ANKDD1A: variants seen among roughly 807,000 people sequenced by gnomAD.
ANKDD1A encodes the protein ankyrin repeat and death domain-containing protein 1A.
Under a neutral mutation model 63.5 loss-of-function variants are expected in ANKDD1A, and 59 were observed. That is an observed-to-expected ratio of 0.93 (90% CI 0.75 to 1.15). The LOEUF (loss-of-function observed/expected upper bound fraction) is 1.15. Ranked by LOEUF, ANKDD1A falls within the 50% of genes most tolerant of loss-of-function variation. The pLI is 0.00. For missense variants in ANKDD1A, 632 were observed against 656.4 expected, an observed-to-expected ratio of 0.96 and a Z score of 0.41; for synonymous variants, 266 against 263.9, an observed-to-expected ratio of 1.01 and a Z score of -0.08.
chr15:64,947,088 C>T (rs571323741), intron 12 of ANKDD1A, among the ~76,000 whole-genome samples: 5 of 152,220 alleles, frequency 3.3e-5, no homozygotes, highest in South Asian at 2.1e-4. Context: ...GGCAGGTGAC[C>T]GGAGGAATCT....
At chr15:64,949,707 G>C in intron 13 of ANKDD1A, 134 bp from the exon 14 acceptor site, 1 of 1,341,918 alleles carries the variant, frequency 7.5e-7, no homozygotes, top group Non-Finnish European at 1.0e-6. Flanking sequence ...ATGGAGAAGG[G>C]CCTTGGAGGC....
Position 64,943,753 on chromosome 15 carries a change from C to T in ANKDD1A, c.1065+171C>T, listed in dbSNP as rs114740083. The T allele has an allele frequency of 3.2e-3, 2,079 of 644,438 alleles. 52 individuals are homozygous for T. In the African/African-American group the frequency reaches 0.035, roughly 11 times the overall value. The allele number at this position is 644,438 out of a possible 1,614,324, so 39.9% of individuals were successfully genotyped here. On this transcript the variant is annotated intron_variant, in intron 11 of 14. Coordinates refer to ENST00000319580, the MANE Select transcript of ANKDD1A (RefSeq NM_182703.6). ...CCAGGAAGCCTTCCTGACCTTCCAC[C>T]ACCTTCCCCTCTCTCTACTAAGGTC...
At chr15:64,946,660 T>C (rs2085225089) in intron 12 of ANKDD1A, among the ~76,000 whole-genome samples, 1 of 152,132 alleles carries the variant, frequency 6.6e-6, no homozygotes, top group Non-Finnish European at 1.5e-5. Context: ...GTTCTTAAAG[T>C]TCCCAGATGG....
At chr15:64,940,080 G>C (rs2085168561) in intron 9 of ANKDD1A, among the ~76,000 whole-genome samples, 2 of 150,784 alleles carry the variant, frequency 1.3e-5, no homozygotes, top group Non-Finnish European at 2.9e-5. Flanking sequence ...GAAAAGATTT[G>C]CAAATCACAT....
intron 5 of ANKDD1A, among the ~76,000 whole-genome samples, chr15:64,926,439 G>A (rs1362876774): frequency 6.6e-6 from 1 of 152,168 alleles, no homozygotes; most frequent in Admixed American, 6.5e-5. Flanking sequence ...CCTGGAGGAG[G>A]TGGCATTTGG....
chr15:64,911,988 G>A, intron 1 of ANKDD1A, 24 bp downstream of exon 1: 1 of 408,366 alleles, frequency 2.4e-6, no homozygotes, highest in Non-Finnish European at 4.1e-6. Context: ...GAGGAGGGAG[G>A]GGGGCGGGCC....
At chr15:64,918,006 A>G (rs1711509614) in intron 3 of ANKDD1A, among the ~76,000 whole-genome samples, 2 of 152,238 alleles carry the variant, frequency 1.3e-5, no homozygotes, top group African/African-American at 4.8e-5. Flanking sequence ...CAGGTTTGGG[A>G]AAAAGGCTGA....
Position 64,953,478 on chromosome 15 carries a change from C to CTTTAGTT in ANKDD1A, c.1483+3506_1483+3507insTTTAGTT, listed in dbSNP as rs2085341479. Among the ~76,000 whole-genome samples, 5 of 94,436 alleles carry CTTTAGTT rather than the reference C, an allele frequency of 5.3e-5. No homozygotes were observed. The Admixed American group carries it at 6.5e-4, about 12-fold the overall frequency. The allele number at this position is 94,436 out of a possible 152,430, so 62.0% of individuals were successfully genotyped here. A position where few individuals can be genotyped will look rare whatever the true frequency, so the allele number is the denominator to read the frequency against. ...TTCTCTCCTTCTTCTTCTTCCTCTT[C>CTTTAGTT]CTTCTCCTTCTTCTTTAGTTCTTCC... is the stretch of plus-strand genomic sequence containing the variant. On this transcript the variant is annotated intron_variant, in intron 14 of 14. Coordinates refer to ENST00000319580, the MANE Select transcript of ANKDD1A (RefSeq NM_182703.6).
At chr15:64,927,666 G>A (rs1312123424) in intron 6 of ANKDD1A, among the ~76,000 whole-genome samples, 3 of 148,796 alleles carry the variant, frequency 2.0e-5, no homozygotes, top group South Asian at 2.1e-4. Flanking sequence ...GTGCAGTGGC[G>A]CTGTCTTGGC....
chr15:64,917,527 C>CTGTG lies in ANKDD1A; in HGVS notation c.267+16_267+17insGTGT, dbSNP rs1567109421. On this transcript the variant is annotated intron_variant, in intron 3 of 14. Coordinates refer to ENST00000319580, the MANE Select transcript of ANKDD1A (RefSeq NM_182703.6). ...GGCACGTCTGTGTGTACGTGTCTGT[C>CTGTG]TGTCTGTCTGTCTCAGGGTGGTGGG... is the stretch of plus-strand genomic sequence containing the variant. The CTGTG allele has an allele frequency of 1.3e-6, 2 of 1,552,970 alleles. No individual in the cohort carries two copies. The highest frequency in any genetic ancestry group is 2.7e-5 in the African/African-American group (2 of 73,204).
At chr15:64,954,735 TTCCTTC>T (rs1335182229) in intron 14 of ANKDD1A, among the ~76,000 whole-genome samples, 6 of 41,318 alleles carry the variant, frequency 1.5e-4, no homozygotes, top group Admixed American at 4.5e-4. Flanking sequence ...CTCCTTCTTC[TTCCTTC>T]TCCTTCTTCT....
intron 14 of ANKDD1A, chr15:64,951,473 TTTC>T (rs1472337266): frequency 3.0e-4 from 3 of 9,926 alleles, no homozygotes; most frequent in African/African-American, 1.2e-3. Context: ...TCTTTTTTCT[TTTC>T]TTCTTCCTCT....
chr15:64,931,536 G>C lies in ANKDD1A; in HGVS notation c.719G>C (p.Cys240Ser). 6.2e-7 allele frequency: 1 copy of C among 1,614,116 alleles called. No individual in the cohort carries two copies. Residue 240 changes from cysteine to serine, a missense_variant, in exon 8 of 15, where the codon TGT becomes TCT. Transcript: ENST00000319580. ...HSAAGGSHPD[C>S]VQLLLRAGST... The stretch of plus-strand genomic sequence containing the variant: ...GCTGCTGGAGGATCCCACCCTGACT[G>C]TGTGCAGCTCCTCCTCAGGGCTGGG...
intron 14 of ANKDD1A, among the ~76,000 whole-genome samples, chr15:64,953,306 ACTT>A (rs1253411852): frequency 3.4e-4 from 33 of 98,414 alleles, no homozygotes; most frequent in African/African-American, 1.3e-3. Context: ...TTCTTCTTTT[ACTT>A]TTTTCTTTCT....
Position 64,947,419 on chromosome 15 carries a change from C to A in ANKDD1A, c.1177C>A (p.Pro393Thr). ...YRWEKDHPSD[P>T]SGKSLSFKQD... ...TGCCCCACAGGACCACCCCAGTGATCCCTCTGGGAAGAGCTTGTCCTTTAA... is the reference window on the plus strand; with the variant it reads ...TGCCCCACAGGACCACCCCAGTGATACCTCTGGGAAGAGCTTGTCCTTTAA... Residue 393 changes from proline to threonine, a missense_variant, in exon 13 of 15, where the codon CCC becomes ACC. Transcript: ENST00000319580. 1 of 1,613,060 alleles carries A rather than the reference C, an allele frequency of 6.2e-7. No individual in the cohort carries two copies. The highest frequency in any genetic ancestry group is 8.5e-7 in the Non-Finnish European group (1 of 1,179,154).
chr15:64,951,559 T>TTTCCTC, intron 14 of ANKDD1A: 1 of 6,364 alleles, frequency 1.6e-4, no homozygotes. Flanking sequence ...CTCTTCTTTC[T>TTTCCTC]TTTTCTTTTC....
intron 7 of ANKDD1A, among the ~76,000 whole-genome samples, chr15:64,931,157 C>T (rs540413337): frequency 1.7e-4 from 26 of 152,198 alleles, no homozygotes; most frequent in African/African-American, 2.4e-4. Flanking sequence ...AGAAGGGAGA[C>T]GTCACCGTGG....
intron 4 of ANKDD1A, among the ~76,000 whole-genome samples, chr15:64,923,579 A>G (rs1434431173): frequency 1.3e-5 from 2 of 152,110 alleles, no homozygotes; most frequent in African/African-American, 4.8e-5. Flanking sequence ...GTCCCATGCC[A>G]TTGTTAGGAT....
At chr15:64,916,360 T>C (rs2084968578) in intron 2 of ANKDD1A, among the ~76,000 whole-genome samples, 1 of 149,884 alleles carries the variant, frequency 6.7e-6, no homozygotes, top group Admixed American at 6.7e-5. Flanking sequence ...CAGGACCTCA[T>C]ATCACCCAGG....
Sources: gnomAD v4.1 joint callset for allele counts (sites outside exome capture counted in the v4.1 genomes callset) on GRCh38, gnomAD v4.1.1 for gene constraint, MANE v1.5 for transcripts, NCBI Gene and HGNC (gene_info 2026-07-23, HGNC 2026-07-21) for gene names.